TMPRSS4: variants seen among roughly 807,000 people sequenced by gnomAD.
TMPRSS4 encodes transmembrane serine protease 4.
Under a neutral mutation model 56.4 loss-of-function variants are expected in TMPRSS4, and 45 were observed. The ratio of observed to expected loss-of-function variants is 0.80; its 90% CI spans 0.63 to 1.02. The LOEUF (loss-of-function observed/expected upper bound fraction) is 1.02, where lower values mean the gene tolerates loss of function less well. Among genes scored for constraint, TMPRSS4 ranks in the 50% least tolerant of loss-of-function variants. TMPRSS4 has a pLI of 0.00. For synonymous variants in TMPRSS4, 205 were observed against 211.0 expected (o/e 0.97, Z 0.25); for missense variants, 546 against 556.7 (o/e 0.98, Z 0.19).
intron 3 of TMPRSS4, among the ~76,000 whole-genome samples, chr11:118,100,108 G>A (rs150015961): frequency 3.0e-4 from 46 of 152,146 alleles, no homozygotes; most frequent in Admixed American, 9.2e-4. Context: ...TTGCTGCTGC[G>A]TGACCTTGAG....
intron 1 of TMPRSS4, 32 bp downstream of exon 1, chr11:118,077,337 A>G (rs1158941817): frequency 6.3e-7 from 1 of 1,584,990 alleles, no homozygotes; most frequent in East Asian, 2.3e-5. Context: ...CCCAAGACAC[A>G]GGAAGGGTGG....
chr11:118,117,493 A>C, intron 12 of TMPRSS4, 39 bp downstream of exon 12: 2 of 1,586,798 alleles, frequency 1.3e-6, no homozygotes, highest in South Asian at 1.2e-5. Context: ...CCTTCCCTCC[A>C]GTCCTCTACC....
At chr11:118,090,504 T>C (rs1008780235) in intron 1 of TMPRSS4, among the ~76,000 whole-genome samples, 3 of 151,868 alleles carry the variant, frequency 2.0e-5, no homozygotes, top group Admixed American at 6.6e-5. Flanking sequence ...GAGCCAGGCA[T>C]TGTGGCTCAC....
intron 1 of TMPRSS4, among the ~76,000 whole-genome samples, chr11:118,084,875 G>A (rs891206292): frequency 1.3e-5 from 2 of 152,300 alleles, no homozygotes; most frequent in East Asian, 3.9e-4. Flanking sequence ...AGGCAGAGCT[G>A]GATTCAGGCC....
chr11:118,090,821 A>AACAG (rs1555082740), intron 1 of TMPRSS4, among the ~76,000 whole-genome samples: 50 of 140,426 alleles, frequency 3.6e-4, no homozygotes, highest in African/African-American at 1.3e-3. Context: ...CACACACACA[A>AACAG]ACACACACAC....
At chr11:118,122,270 T>C (rs1167243001), downstream of TMPRSS4, among the ~76,000 whole-genome samples, 1 of 152,216 alleles carries the variant, frequency 6.6e-6, no homozygotes, top group African/African-American at 2.4e-5. Context: ...AAGCTATATG[T>C]TATTTGTAAC....
At chr11:118,098,828 T>A (rs1946557422) in intron 2 of TMPRSS4, among the ~76,000 whole-genome samples, 157 bp from the exon 3 acceptor site, 2 of 152,134 alleles carry the variant, frequency 1.3e-5, no homozygotes, top group Non-Finnish European at 2.9e-5. Context: ...CTGTTGAAGC[T>A]AAGCCTAGTC....
chr11:118,096,892 AAAGAAAGAAAGAAAGAAAGG>A lies in TMPRSS4; in HGVS notation c.43+2038_43+2057del, dbSNP rs1946350147. On this transcript the variant is annotated intron_variant, in intron 2 of 12. Coordinates refer to ENST00000437212, the MANE Select transcript of TMPRSS4 (RefSeq NM_019894.4). The stretch of plus-strand genomic sequence containing the variant: ...GAAAGAAAGAAAGAAAGAAAGAAAG[AAAGAAAGAAAGAAAGAAAGG>A]GAGAGAGAAAGGAAAGAAAGAAAGA... Among the ~76,000 whole-genome samples, 9 of 55,684 alleles carry A rather than the reference AAAGAAAGAAAGAAAGAAAGG, an allele frequency of 1.6e-4. 1 individual carries two copies. In the South Asian group the frequency reaches 3.4e-3, roughly 21 times the overall value. 36.5% of individuals were successfully genotyped at this position (55,684 alleles called of 152,430 possible). A position where few individuals can be genotyped will look rare whatever the true frequency, so the allele number is the denominator to read the frequency against.
intron 6 of TMPRSS4, chr11:118,108,165 A>G (rs1409898917): frequency 3.4e-6 from 1 of 296,612 alleles, no homozygotes; most frequent in Non-Finnish European, 6.3e-6. Context: ...TGGATAGTAA[A>G]TAGTTTTTGC....
At chr11:118,088,111 C>T (rs1190376971) in intron 1 of TMPRSS4, 1 of 152,202 alleles carries the variant, frequency 6.6e-6, no homozygotes, top group African/African-American at 2.4e-5. Context: ...GACCCAGCAC[C>T]AGCTAATGAC....
At chr11:118,123,877 G>T (rs1947843850), downstream of TMPRSS4, among the ~76,000 whole-genome samples, 1 of 152,126 alleles carries the variant, frequency 6.6e-6, no homozygotes, top group Non-Finnish European at 1.5e-5. Flanking sequence ...CATGGGCTTT[G>T]ACCAGATCCT....
At chr11:118,116,235 T>C (rs1947540331) in intron 11 of TMPRSS4, among the ~76,000 whole-genome samples, 1 of 152,248 alleles carries the variant, frequency 6.6e-6, no homozygotes, top group African/African-American at 2.4e-5. Context: ...ATTACAGGCA[T>C]GAGCCATCGT....
In TMPRSS4 at chr11:118,107,848, AG is replaced by A; in HGVS notation, c.517del (p.Glu173SerfsTer28). 1 of 1,614,186 alleles carries A rather than the reference AG, an allele frequency of 6.2e-7. No homozygotes were observed. Among genetic ancestry groups the A allele is most frequent in the Non-Finnish European group, 8.5e-7 (1 of 1,180,016 alleles). ...GTTGTTGAAATCACAGAAAACAGCC[AG>A]GAGCTTCGCATGCGGAACTCAAGTG... ...LDVVEITENS[Q>X]ELRMRNSSGP... On this transcript the variant is annotated frameshift_variant, in exon 6 of 13. Transcript: ENST00000437212. LOFTEE classifies it high-confidence loss of function.
At chr11:118,114,580 G>A (rs1214636027) in intron 9 of TMPRSS4, among the ~76,000 whole-genome samples, 1 of 152,150 alleles carries the variant, frequency 6.6e-6, no homozygotes, top group African/African-American at 2.4e-5. Context: ...GGTGATTTAG[G>A]GCAGGGAAAA....
intron 1 of TMPRSS4, 125 bp from the exon 2 acceptor site, chr11:118,094,691 C>T (rs1321209245): frequency 2.5e-6 from 2 of 803,786 alleles, no homozygotes; most frequent in Non-Finnish European, 2.1e-6. Context: ...ATTTGGATAA[C>T]ACAGAGACCC....
chr11:118,123,527 T>TG (rs1173835774), downstream of TMPRSS4, among the ~76,000 whole-genome samples: 6 of 136,018 alleles, frequency 4.4e-5, no homozygotes, highest in Admixed American at 4.4e-4. Flanking sequence ...CTGTTATGTC[T>TG]TTTTTTTTGA....
At chr11:118,096,966 AG>A (rs745468336) in intron 2 of TMPRSS4, among the ~76,000 whole-genome samples, 9 of 55,388 alleles carry the variant, frequency 1.6e-4, no homozygotes, top group South Asian at 6.4e-4. Context: ...AAAGAAAGAA[AG>A]GAAAGAAAGA....
At chr11:118,092,482 A>T (rs1354927694) in intron 1 of TMPRSS4, among the ~76,000 whole-genome samples, 2 of 152,232 alleles carry the variant, frequency 1.3e-5, no homozygotes, top group Admixed American at 1.3e-4. Context: ...GCCAGATCAG[A>T]TGAGGCAGTT....
At chr11:118,114,684 C>T in intron 9 of TMPRSS4, 145 bp from the exon 10 acceptor site, 1 of 874,616 alleles carries the variant, frequency 1.1e-6, no homozygotes, top group Admixed American at 2.4e-5. Flanking sequence ...TGCCCAAAGC[C>T]AAGTTGTTTA....
Sources: gnomAD v4.1 joint callset for allele counts (sites outside exome capture counted in the v4.1 genomes callset) on GRCh38, gnomAD v4.1.1 for gene constraint, MANE v1.5 for transcripts, NCBI Gene and HGNC (gene_info 2026-07-23, HGNC 2026-07-21) for gene names.